WDFY4: variants seen among roughly 807,000 people sequenced by gnomAD.
WDFY4 encodes WDFY family member 4.
In WDFY4, 169 loss-of-function variants were observed where a neutral mutation model predicts 351.9. That is an observed-to-expected ratio of 0.48 (90% CI 0.42 to 0.55). The LOEUF is 0.55. WDFY4 is among the 20% of genes least tolerant of loss of function. The pLI is 0.00. For synonymous variants in WDFY4, 1,622 were observed against 1,574.6 expected (o/e 1.03, Z -0.71); for missense variants, 3,803 against 3,935.6 (o/e 0.97, Z 0.90).
chr10:48,688,418 C>T (rs1040782773), intron 1 of WDFY4, among the ~76,000 whole-genome samples: 3 of 152,048 alleles, frequency 2.0e-5, no homozygotes, highest in Non-Finnish European at 4.4e-5. Flanking sequence ...ATGACTTTTC[C>T]AATTCATAAA....
At chr10:48,883,010 C>T (rs186215634) in intron 43 of WDFY4, among the ~76,000 whole-genome samples, 60 of 152,380 alleles carry the variant, frequency 3.9e-4, no homozygotes, top group African/African-American at 1.3e-3. Flanking sequence ...TCCCTCTCTA[C>T]TGCCTCCCAG....
At chr10:48,960,514 T>A (rs1274835341) in intron 53 of WDFY4, among the ~76,000 whole-genome samples, 1 of 152,216 alleles carries the variant, frequency 6.6e-6, no homozygotes, top group Non-Finnish European at 1.5e-5. Context: ...GCTTGGTAAT[T>A]TTTTTAAAAA....
chr10:48,816,833 C>T (rs1042128098), intron 31 of WDFY4, among the ~76,000 whole-genome samples: 4 of 152,156 alleles, frequency 2.6e-5, no homozygotes, highest in Non-Finnish European at 5.9e-5. Flanking sequence ...ACTCAGACTT[C>T]TAAGATCTAA....
chr10:48,941,267 G>T (rs1840743171), intron 47 of WDFY4, among the ~76,000 whole-genome samples: 1 of 152,154 alleles, frequency 6.6e-6, no homozygotes, highest in Non-Finnish European at 1.5e-5. Flanking sequence ...ATGTATGATT[G>T]AAGTTTTTTA....
intron 39 of WDFY4, among the ~76,000 whole-genome samples, chr10:48,843,673 C>T (rs532179765): frequency 3.3e-5 from 5 of 152,194 alleles, no homozygotes; most frequent in South Asian, 4.1e-4. Context: ...TTTTGAAAAT[C>T]GAATGTAGTT....
chr10:48,815,286 T>C (rs995102104), intron 31 of WDFY4, among the ~76,000 whole-genome samples: 1 of 152,246 alleles, frequency 6.6e-6, no homozygotes, highest in African/African-American at 2.4e-5. Context: ...CTTTTGCATT[T>C]ATTATTTCTG....
At chr10:48,842,378 C>T (rs761476347) in intron 39 of WDFY4, among the ~76,000 whole-genome samples, 1 of 152,082 alleles carries the variant, frequency 6.6e-6, no homozygotes, top group Non-Finnish European at 1.5e-5. Flanking sequence ...AGTGTCCTCA[C>T]TGCAGGGAAT....
intron 13 of WDFY4, among the ~76,000 whole-genome samples, chr10:48,764,444 A>C (rs1251837150): frequency 1.3e-5 from 2 of 152,246 alleles, no homozygotes; most frequent in Admixed American, 6.5e-5. Flanking sequence ...AGTTGGCCCC[A>C]GAAAAAAGTA....
intron 59 of WDFY4, among the ~76,000 whole-genome samples, chr10:48,977,549 T>C (rs988157292): frequency 1.3e-5 from 2 of 152,228 alleles, no homozygotes; most frequent in Admixed American, 6.5e-5. Flanking sequence ...ACTTTATCTG[T>C]GGCCTCTGCA....
rs933312131 is a variant in WDFY4, at chr10:48,734,008, C to G, written c.1660C>G (p.Leu554Val). The change falls in exon 10 of 62, where the codon CTT (leucine) becomes GTT (valine). Residue 554 changes from leucine to valine, a missense_variant. By Grantham distance (32) the Leu-to-Val change is conservative. Coordinates refer to ENST00000325239, the MANE Select transcript of WDFY4 (RefSeq NM_001394531.1). ...TCVMLRIVVT[L>V]LKGSVRNAVV... ...TGTGATGCTGAGGATTGTAGTCACA[C>G]TTCTGAAAGGCTCGGTGAGGAATGC... The G allele has an allele frequency of 1.9e-6, 3 of 1,552,038 alleles. No individual in the cohort carries two copies. Among genetic ancestry groups the G allele is most frequent in the South Asian group, 1.2e-5 (1 of 84,064 alleles).
At chr10:48,796,232 A>G in intron 23 of WDFY4, 66 bp from the exon 24 acceptor site, 1 of 1,498,254 alleles carries the variant, frequency 6.7e-7, no homozygotes, top group South Asian at 1.3e-5. Flanking sequence ...GACTGGGACA[A>G]GTGGGTGAAG....
In WDFY4 at chr10:48,818,201, C is replaced by A. The variant is rs188403038; in HGVS notation, c.5505+792C>A. Reference sequence around the variant, plus strand: ...ACCCAGTGAGGGCAAGTGAGCTAACCGTGTCTTCCTGCAAGTTGCCAACTG... The same window carrying A: ...ACCCAGTGAGGGCAAGTGAGCTAACAGTGTCTTCCTGCAAGTTGCCAACTG... On this transcript the variant is annotated intron_variant, in intron 32 of 61. Coordinates refer to ENST00000325239, the MANE Select transcript of WDFY4 (RefSeq NM_001394531.1). Among the ~76,000 whole-genome samples, 8 of 152,306 alleles carry A rather than the reference C, an allele frequency of 5.3e-5. No homozygotes were observed. The East Asian group carries it at 1.5e-3, about 29-fold the overall frequency.
At position 48,726,039 on chromosome 10, in the gene WDFY4, C is replaced by T. The variant is rs1325667514; in HGVS notation, c.750C>T (p.Ala250=). The change falls in exon 6 of 62, where the codon GCC becomes GCT. Residue 250 remains alanine, a synonymous_variant. Transcript: ENST00000325239. The part of the protein sequence containing the change: ...TFCVLRAISK[A]QNLSIIQYLQ... ...GCGTGCTAAGGGCAATCTCCAAGGC[C>T]CAGAACCTCAGCATCATCCAGTACC... 15 of 1,550,762 alleles carry T rather than the reference C, an allele frequency of 9.7e-6. No homozygotes were observed. The highest frequency in any genetic ancestry group is 1.3e-5 in the Non-Finnish European group (15 of 1,146,426).
intron 59 of WDFY4, 88 bp downstream of exon 59, chr10:48,977,067 C>G (rs1180286271): frequency 2.6e-5 from 33 of 1,282,760 alleles, no homozygotes; most frequent in Non-Finnish European, 3.2e-5. Context: ...GCCAAACCTG[C>G]AGGTTGCATT....
intron 47 of WDFY4, among the ~76,000 whole-genome samples, chr10:48,939,453 T>G (rs555799331): frequency 6.6e-6 from 1 of 152,118 alleles, no homozygotes; most frequent in African/African-American, 2.4e-5. Flanking sequence ...GTGGTGGAGA[T>G]AGAATTTAGA....
chr10:48,719,343 T>TA (rs1444787925), intron 2 of WDFY4, among the ~76,000 whole-genome samples: 1 of 152,132 alleles, frequency 6.6e-6, no homozygotes, highest in Non-Finnish European at 1.5e-5. Context: ...TGAGATGAGA[T>TA]ATTTTTTCGC....
At chr10:48,846,865 T>C (rs985675069) in intron 39 of WDFY4, among the ~76,000 whole-genome samples, 2 of 152,204 alleles carry the variant, frequency 1.3e-5, no homozygotes. Flanking sequence ...GTCGCAGCAA[T>C]GGGGCAGTCC....
chr10:48,977,738 C>T (rs1297669712), intron 59 of WDFY4, among the ~76,000 whole-genome samples: 3 of 152,250 alleles, frequency 2.0e-5, no homozygotes, highest in Admixed American at 1.3e-4. Flanking sequence ...GGTCACTGAG[C>T]TCCTGGACTG....
chr10:48,880,062 G>A (rs1165276334), intron 43 of WDFY4, among the ~76,000 whole-genome samples: 1 of 152,146 alleles, frequency 6.6e-6, no homozygotes, highest in Non-Finnish European at 1.5e-5. Flanking sequence ...CAGCCTCCTG[G>A]GGGCTTCTCT....
Sources: gnomAD v4.1 joint callset for allele counts (sites outside exome capture counted in the v4.1 genomes callset) on GRCh38, gnomAD v4.1.1 for gene constraint, MANE v1.5 for transcripts, NCBI Gene and HGNC (gene_info 2026-07-23, HGNC 2026-07-21) for gene names.